The following TARS2 variants were observed in gnomAD, a reference collection of about 807,000 sequenced individuals.
TARS2 encodes the protein threonyl-tRNA synthetase 2, mitochondrial.
Under a neutral mutation model 94.4 loss-of-function variants are expected in TARS2, and 61 were observed. The ratio of observed to expected loss-of-function variants is 0.65; its 90% confidence interval spans 0.53 to 0.80. The LOEUF (loss-of-function observed/expected upper bound fraction) is 0.80, where lower values mean the gene tolerates loss of function less well. TARS2 is among the 30% of genes least tolerant of loss of function. The pLI is 0.00. For synonymous variants in TARS2, 359 were observed against 353.4 expected, an observed-to-expected ratio of 1.02 and a Z score of -0.18; for missense variants, 704 against 902.5, an observed-to-expected ratio of 0.78 and a Z score of 2.82.
intron 7 of TARS2, among the ~76,000 whole-genome samples, chr1:150,495,107 G>T (rs960332714): frequency 6.6e-6 from 1 of 151,306 alleles, no homozygotes; most frequent in South Asian, 2.1e-4. Flanking sequence ...TGAACCCTGG[G>T]GGGTGGAGCC....
intron 13 of TARS2, 71 bp from the exon 14 acceptor site, chr1:150,504,264 A>G (rs1428181567): frequency 1.4e-6 from 2 of 1,466,788 alleles, no homozygotes; most frequent in Non-Finnish European, 1.9e-6. Flanking sequence ...GGGATGGCAC[A>G]GGTAATGGAG....
Position 150,487,527 on chromosome 1 carries a change from C to T in TARS2, c.66+11C>T. 1.2e-6 allele frequency: 2 copies of T among 1,614,224 alleles called. No individual in the cohort carries two copies. Among genetic ancestry groups the T allele is most frequent in the Non-Finnish European group, 1.7e-6 (2 of 1,180,038 alleles). Reference sequence around the variant, plus strand: ...TGCAGGCTACACACGGTGCGTGAGGCACCCCCAAAGCTCCGATCCGCATCA... The same window carrying T: ...TGCAGGCTACACACGGTGCGTGAGGTACCCCCAAAGCTCCGATCCGCATCA... On this transcript the variant is annotated intron_variant, in intron 1 of 17. Coordinates refer to ENST00000369064, the MANE Select transcript of TARS2 (RefSeq NM_025150.5).
At chr1:150,504,557 ACTG>A in intron 14 of TARS2, 72 bp from the exon 15 acceptor site, 2 of 1,582,630 alleles carry the variant, frequency 1.3e-6, no homozygotes, top group South Asian at 2.2e-5. Flanking sequence ...TTTCTTAAAA[ACTG>A]GAAGGTGATC....
intron 16 of TARS2, 95 bp from the exon 17 acceptor site, chr1:150,505,496 A>C: frequency 9.0e-7 from 1 of 1,111,062 alleles, no homozygotes; most frequent in Non-Finnish European, 1.4e-6. Flanking sequence ...GGAAAGGAGG[A>C]ACAGATGGGG....
Position 150,498,645 on chromosome 1 carries a change from T to C in TARS2, c.1382T>C (p.Ile461Thr). Reference sequence around the variant, plus strand: ...TGCTTCCAGCAGGATGACGCTCACATCTTCTGTACAACAGATCAGGTGGCC... The same window carrying C: ...TGCTTCCAGCAGGATGACGCTCACACCTTCTGTACAACAGATCAGGTGGCC... The part of the protein sequence containing the change: ...LRCFQQDDAH[I>T]FCTTDQLEAE... Residue 461 changes from isoleucine to threonine, a missense_variant, in exon 11 of 18, where the codon ATC becomes ACC. Physicochemically the swap from Ile to Thr is moderately conservative, Grantham distance 89. This residue lies in a region of TARS2 where 466 missense variants were observed against 609.5 expected (regional missense o/e 0.76). Coordinates refer to ENST00000369064, the MANE Select transcript of TARS2 (RefSeq NM_025150.5). The C allele has an allele frequency of 6.2e-7, 1 of 1,612,516 alleles. No individual in the cohort carries two copies. Among genetic ancestry groups the C allele is most frequent in the East Asian group, 2.2e-5 (1 of 44,876 alleles).
rs749182410 is a variant in TARS2, at chr1:150,505,715, A to G, written c.2008+10A>G. ...TACAATTTTCAGTTTGGTAAGCTGA[A>G]CCTCAGAGCCAATGTTCTCCCACCT... is the stretch of plus-strand genomic sequence containing the variant. On this transcript the variant is annotated intron_variant, in intron 17 of 17. Coordinates refer to ENST00000369064, the MANE Select transcript of TARS2 (RefSeq NM_025150.5). 4 of 1,610,112 alleles carry G rather than the reference A, an allele frequency of 2.5e-6. No individual in the cohort carries two copies. In the Admixed American group the frequency reaches 6.8e-5, roughly 27 times the overall value.
At chr1:150,506,441 C>T (rs1429393599) in intron 17 of TARS2, among the ~76,000 whole-genome samples, 2 of 151,376 alleles carry the variant, frequency 1.3e-5, no homozygotes, top group African/African-American at 4.9e-5. Context: ...CACACCACTC[C>T]TGCCACCTTC....
chr1:150,497,138 T>C (rs916670940), intron 9 of TARS2, among the ~76,000 whole-genome samples: 1 of 151,930 alleles, frequency 6.6e-6, no homozygotes, highest in Non-Finnish European at 1.5e-5. Context: ...ATACAAAAAA[T>C]TAGCCAGTGT....
intron 6 of TARS2, chr1:150,492,008 C>T (rs867344154): frequency 3.7e-5 from 9 of 246,522 alleles, no homozygotes; most frequent in Middle Eastern, 1.7e-3. Flanking sequence ...GTTCTGTCAC[C>T]CAGGCTGGAA....
In TARS2 at chr1:150,501,150, T is replaced by C. The variant is rs371267340; in HGVS notation, c.1617+1857T>C. Among the ~76,000 whole-genome samples, 119 of 151,590 alleles carry C rather than the reference T, an allele frequency of 7.9e-4. 1 individual carries two copies. In the South Asian group the frequency reaches 0.024, roughly 31 times the overall value. On this transcript the variant is annotated intron_variant, in intron 13 of 17. Transcript: ENST00000369064. ...GTTGTCAGTGAGGGGGCTGAAGATA[T>C]GAAGAAAAGGCTGTGTGCAGTGGCC...
intron 13 of TARS2, among the ~76,000 whole-genome samples, chr1:150,501,283 C>G (rs1217699217): frequency 6.9e-6 from 1 of 145,976 alleles, no homozygotes; most frequent in South Asian, 2.2e-4. Flanking sequence ...ATAATAAGAC[C>G]TCGTCTCTAC....
intron 16 of TARS2, 52 bp from the exon 17 acceptor site, chr1:150,505,539 G>GC: frequency 6.7e-7 from 1 of 1,499,176 alleles, no homozygotes; most frequent in Non-Finnish European, 9.3e-7. Context: ...GACTGTTCTA[G>GC]CTCCTTAACT....
Position 150,504,366 on chromosome 1 carries a change from G to A in TARS2, c.1649G>A (p.Arg550Gln), listed in dbSNP as rs1670099524. Reference sequence around the variant, plus strand: ...GTGCACCTCCACGATGCCCTGGGCCGGCCACATCAGTGTGGGACAATTCAG... The same window carrying A: ...GTGCACCTCCACGATGCCCTGGGCCAGCCACATCAGTGTGGGACAATTCAG... ...IDVHLHDALG[R>Q]PHQCGTIQLD... Residue 550 changes from arginine to glutamine, a missense_variant, in exon 14 of 18, where the codon CGG (arginine) becomes CAG (glutamine). Arg to Gln is a conservative substitution (Grantham distance 43). Coordinates refer to ENST00000369064, the MANE Select transcript of TARS2 (RefSeq NM_025150.5). 7 of 1,614,066 alleles carry A rather than the reference G, an allele frequency of 4.3e-6. No individual in the cohort carries two copies. The highest frequency in any genetic ancestry group is 2.2e-5 in the East Asian group (1 of 44,870).
At chr1:150,503,577 G>GTATATA (rs370458461) in intron 13 of TARS2, among the ~76,000 whole-genome samples, 45 of 141,522 alleles carry the variant, frequency 3.2e-4, no homozygotes, top group African/African-American at 1.1e-3. Context: ...GTGTGTGTGT[G>GTATATA]TATATATATG....
At chr1:150,501,975 C>G (rs1669942763) in intron 13 of TARS2, among the ~76,000 whole-genome samples, 1 of 151,880 alleles carries the variant, frequency 6.6e-6, no homozygotes. Flanking sequence ...TGCAGTGGCG[C>G]AATCTCGGCT....
intron 17 of TARS2, among the ~76,000 whole-genome samples, chr1:150,505,989 A>G (rs1670183398): frequency 6.6e-6 from 1 of 152,222 alleles, no homozygotes; most frequent in Non-Finnish European, 1.5e-5. Flanking sequence ...TCAGAGAGAA[A>G]GGGACGGGAG....
intron 17 of TARS2, among the ~76,000 whole-genome samples, chr1:150,506,698 C>T (rs377467101): frequency 4.6e-5 from 7 of 151,870 alleles, no homozygotes; most frequent in African/African-American, 1.7e-4. Context: ...GCGATAAGGC[C>T]TGCGGGGACT....
intron 14 of TARS2, 46 bp downstream of exon 14, chr1:150,504,481 A>G: frequency 1.2e-6 from 2 of 1,601,566 alleles, no homozygotes; most frequent in Non-Finnish European, 1.7e-6. Context: ...AGTGCATGGA[A>G]TAAGTCCTTC....
At position 150,499,259 on chromosome 1, in the gene TARS2, T is replaced by C. The variant is rs1457774386; in HGVS notation, c.1583T>C (p.Leu528Pro). The C allele has an allele frequency of 6.2e-7, 1 of 1,614,088 alleles. No homozygotes were observed. Among genetic ancestry groups the C allele is most frequent in the Non-Finnish European group, 8.5e-7 (1 of 1,180,032 alleles). ...ALKEFGEPWD[L>P]NSGDGAFYGP... Reference sequence around the variant, plus strand: ...AAGGAATTTGGAGAACCCTGGGACCTCAACTCTGGAGATGGTGCCTTCTAT... The same window carrying C: ...AAGGAATTTGGAGAACCCTGGGACCCCAACTCTGGAGATGGTGCCTTCTAT... The change falls in exon 13 of 18, where the codon CTC becomes CCC. Residue 528 changes from leucine (L) to proline (P), a missense_variant. Around this residue, in one of 3 missense-constraint regions of TARS2, gnomAD observed 466 missense variants for 609.5 expected, o/e 0.76. Coordinates refer to ENST00000369064, the MANE Select transcript of TARS2 (RefSeq NM_025150.5).
Sources: gnomAD v4.1 joint callset for allele counts (sites outside exome capture counted in the v4.1 genomes callset) on GRCh38, gnomAD v4.1.1 for gene constraint, gnomAD v4.1.1 regional missense constraint, MANE v1.5 for transcripts, NCBI Gene and HGNC (gene_info 2026-07-23, HGNC 2026-07-21) for gene names.